Variants in FNDC7 observed in about 807,000 individuals in gnomAD.
FNDC7 encodes fibronectin type III domain containing 7.
Under a neutral mutation model 74.2 loss-of-function variants are expected in FNDC7, and 66 were observed. That is an observed-to-expected ratio of 0.89 (90% CI 0.73 to 1.09). The LOEUF (loss-of-function observed/expected upper bound fraction) is 1.09. FNDC7 is among the 50% of genes least tolerant of loss of function. The pLI is 0.00. For synonymous variants in FNDC7, 307 were observed against 330.2 expected, an observed-to-expected ratio of 0.93 and a Z score of 0.76; for missense variants, 829 against 893.4, an observed-to-expected ratio of 0.93 and a Z score of 0.92.
rs111615870 is a variant in FNDC7 at position 108,728,879 on chromosome 1, G to T, written c.1617G>T (p.Leu539=). The T allele has an allele frequency of 2.7e-5, 43 of 1,613,808 alleles. No individual in the cohort carries two copies. The African/African-American group carries it at 3.1e-4, about 12-fold the overall frequency. The change falls in exon 8 of 13, where the codon CTG becomes CTT. Residue 539 remains leucine (L), a synonymous_variant. Transcript: ENST00000370017. ...GRSLPSYSVP[L]ETVPCCPTGL... is the part of the protein sequence containing the mutation. ...GCCTGCCCAGCTACAGTGTGCCCCT[G>T]GAAACAGGTATGTAGCAACCACCAG...
At chr1:108,728,955 C>A (rs924130148) in intron 8 of FNDC7, 69 bp downstream of exon 8, 20 of 1,560,450 alleles carry the variant, frequency 1.3e-5, no homozygotes, top group Non-Finnish European at 1.7e-5. Flanking sequence ...AAGACATGAA[C>A]TTCCTTATTT....
rs117058968 is a variant in FNDC7 at position 108,726,265 on chromosome 1, G to A, written c.1111+261G>A. Among the ~76,000 whole-genome samples, 51 of 152,318 alleles carry A rather than the reference G, an allele frequency of 3.3e-4. No homozygotes were observed. In the East Asian group the frequency reaches 8.5e-3, roughly 25 times the overall value. On this transcript the variant is annotated intron_variant, in intron 6 of 12. Transcript: ENST00000370017. ...AACCTTGCTCTGAAAGATTGAACTC[G>A]CCACAAAGATGTACTCAGTGAGTGT...
rs1661662393 is a variant in FNDC7, at chr1:108,742,074, G to A, written c.*187G>A. On this transcript the variant is annotated 3_prime_UTR_variant, in exon 13 of 13. Transcript: ENST00000370017. ...GGCAAGGTCAGGTGTGTCCTCACCT[G>A]CACAGCAGTTGGAGATCTGCTATGT... 4.1e-6 allele frequency: 2 copies of A among 490,116 alleles called. No individual in the cohort carries two copies. Among genetic ancestry groups the A allele is most frequent in the African/African-American group, 2.0e-5 (1 of 50,626 alleles). The allele number at this position is 490,116 out of a possible 1,614,324, so 30.4% of individuals were successfully genotyped here.
chr1:108,733,408 G>A lies in FNDC7; in HGVS notation c.2016G>A (p.Pro672=), dbSNP rs766011711. ...YGSKGIFTCT[P]SAGLSFCDVT... is the part of the protein sequence containing the mutation. ...CCAAAGGCATTTTCACGTGCACCCCGAGTGCTGGCCTCAGTTTCTGTGATG... is the reference window on the plus strand; with the variant it reads ...CCAAAGGCATTTTCACGTGCACCCCAAGTGCTGGCCTCAGTTTCTGTGATG... The change falls in exon 10 of 13, where the codon CCG becomes CCA. Residue 672 remains proline (P), a synonymous_variant. Transcript: ENST00000370017. The A allele has an allele frequency of 2.6e-5, 42 of 1,613,946 alleles. No homozygotes were observed. Among genetic ancestry groups the A allele is most frequent in the Admixed American group, 1.2e-4 (7 of 59,984 alleles).
At chr1:108,732,466 T>C (rs1570733981) in intron 9 of FNDC7, among the ~76,000 whole-genome samples, 1 of 152,088 alleles carries the variant, frequency 6.6e-6, no homozygotes, top group Non-Finnish European at 1.5e-5. Context: ...CTCGGCAAAA[T>C]TGGTTCTTCA....
chr1:108,725,867 G>A lies in FNDC7; in HGVS notation c.974G>A (p.Gly325Asp). Reference protein sequence around the residue: ...YYVVFVKSDDGLEVHCNTSLT... With the variant: ...YYVVFVKSDDDLEVHCNTSLT... The stretch of plus-strand genomic sequence containing the variant: ...GTGGTCTTTGTGAAGAGTGATGATG[G>A]CTTGGAAGTACACTGCAACACATCT... The change falls in exon 6 of 13, where the codon GGC becomes GAC. Residue 325 changes from glycine (G) to aspartate (D), a missense_variant. Physicochemically the swap from Gly to Asp is moderately conservative, Grantham distance 94. Transcript: ENST00000370017. The A allele has an allele frequency of 6.2e-7, 1 of 1,614,050 alleles. No individual in the cohort carries two copies. The highest frequency in any genetic ancestry group is 8.5e-7 in the Non-Finnish European group (1 of 1,180,016).
chr1:108,718,103 A>G (rs1661020200), intron 3 of FNDC7, 72 bp downstream of exon 3: 3 of 1,519,194 alleles, frequency 2.0e-6, no homozygotes, highest in African/African-American at 2.8e-5. Context: ...GGTGCTGCAA[A>G]TGCAGAATGT....
Position 108,732,412 on chromosome 1 carries a change from G to C in FNDC7, c.1880-860G>C, listed in dbSNP as rs147122441. 7.1e-4 allele frequency among the ~76,000 whole-genome samples: 108 copies of C among 151,858 alleles called. 2 individuals are homozygous for C. The East Asian group carries it at 0.02, about 28-fold the overall frequency. ...CGTGGACCAGCAAACTTGGTCACTG[G>C]CATGTTGTATAAATGGCTGCACCTA... is the stretch of plus-strand genomic sequence containing the variant. On this transcript the variant is annotated intron_variant, in intron 9 of 12. Coordinates refer to ENST00000370017, the MANE Select transcript of FNDC7 (RefSeq NM_001144937.3).
intron 11 of FNDC7, among the ~76,000 whole-genome samples, chr1:108,739,372 C>T (rs573631694): frequency 6.6e-6 from 1 of 152,210 alleles, no homozygotes; most frequent in South Asian, 2.1e-4. Context: ...TGGCATGTGC[C>T]TGTAGTTCCC....
intron 2 of FNDC7, among the ~76,000 whole-genome samples, chr1:108,714,646 C>G (rs1660937303): frequency 7.3e-6 from 1 of 137,684 alleles, no homozygotes; most frequent in Non-Finnish European, 1.5e-5. Flanking sequence ...TCTCTGTCGC[C>G]CAGGCTGGAG....
Position 108,722,363 on chromosome 1 carries a change from C to T in FNDC7, c.627C>T (p.Val209=), listed in dbSNP as rs1435555424. 11 of 1,612,708 alleles carry T rather than the reference C, an allele frequency of 6.8e-6. No individual in the cohort carries two copies. The highest frequency in any genetic ancestry group is 9.3e-6 in the Non-Finnish European group (11 of 1,179,366). ...TSPRAPANIQ[V]SFDSGALKAS... ...CTCGGGCCCCTGCCAACATTCAAGT[C>T]TCTTTCGATAGTGGAGCTCTGAAGG... The change falls in exon 5 of 13, where the codon GTC becomes GTT. Residue 209 remains valine, a synonymous_variant. Coordinates refer to ENST00000370017, the MANE Select transcript of FNDC7 (RefSeq NM_001144937.3).
chr1:108,716,325 GTGT>G (rs1557786128), intron 2 of FNDC7, among the ~76,000 whole-genome samples: 28 of 58,496 alleles, frequency 4.8e-4, no homozygotes, highest in African/African-American at 1.6e-3. Context: ...AGAGAGGTGT[GTGT>G]GTGTGTGTGT....
In FNDC7 at chr1:108,730,743, T is replaced by C. The variant is rs1661324911; in HGVS notation, c.1694T>C (p.Ile565Thr). The change falls in exon 9 of 13, where the codon ATT (isoleucine) becomes ACT (threonine). Residue 565 changes from isoleucine (I) to threonine (T), a missense_variant. Ile to Thr is a moderately conservative substitution (Grantham distance 89). Coordinates refer to ENST00000370017, the MANE Select transcript of FNDC7 (RefSeq NM_001144937.3). ...TCAGTAATCAACGTGAGCTGGACTA[T>C]TGGGAGAGTGGCTCAAACCCATGTT... is the stretch of plus-strand genomic sequence containing the variant. ...TQSVINVSWTIGRVAQTHVAV... is the reference protein window; with the variant it reads ...TQSVINVSWTTGRVAQTHVAV... 1.2e-6 allele frequency: 2 copies of C among 1,613,644 alleles called. No individual in the cohort carries two copies. Among genetic ancestry groups the C allele is most frequent in the Non-Finnish European group, 1.7e-6 (2 of 1,179,780 alleles).
At chr1:108,717,726 G>A in intron 2 of FNDC7, 51 bp from the exon 3 acceptor site, 1 of 1,524,740 alleles carries the variant, frequency 6.6e-7, no homozygotes, top group South Asian at 1.2e-5. Context: ...GATGAAAGAA[G>A]TCATCCTCGT....
In FNDC7 at chr1:108,733,289, G is replaced by T. The variant is rs752720650; in HGVS notation, c.1897G>T (p.Gly633Trp). 6.2e-6 allele frequency: 10 copies of T among 1,610,056 alleles called. No homozygotes were observed. The South Asian group carries it at 9.9e-5, about 16-fold the overall frequency. Residue 633 changes from glycine to tryptophan, a missense_variant, in exon 10 of 13, where the codon GGG becomes TGG. Coordinates refer to ENST00000370017, the MANE Select transcript of FNDC7 (RefSeq NM_001144937.3). Reference protein sequence around the residue: ...SYFSGACCPLGVKLYRLGPNG... With the variant: ...SYFSGACCPLWVKLYRLGPNG... ...TTGCCTAGGTGCCTGCTGCCCTTTG[G>T]GGGTGAAATTATATAGGCTGGGCCC... is the stretch of plus-strand genomic sequence containing the variant.
chr1:108,727,407 T>C (rs1313679681), intron 6 of FNDC7, among the ~76,000 whole-genome samples: 2 of 152,174 alleles, frequency 1.3e-5, no homozygotes, highest in East Asian at 3.9e-4. Flanking sequence ...TTTGGTTTAC[T>C]GTCTGGAAAG....
At chr1:108,736,901 C>T (rs185048142) in intron 10 of FNDC7, among the ~76,000 whole-genome samples, 241 of 150,792 alleles carry the variant, frequency 1.6e-3, no homozygotes, top group African/African-American at 5.6e-3. Flanking sequence ...GTGCCAGGCA[C>T]TGTTCTAAGG....
chr1:108,729,557 A>G (rs564517186), intron 8 of FNDC7, among the ~76,000 whole-genome samples: 2 of 152,322 alleles, frequency 1.3e-5, no homozygotes, highest in Non-Finnish European at 2.9e-5. Context: ...ACAAAAAAAA[A>G]AAAAAATGCT....
chr1:108,728,196 G>A (rs1358315808), intron 7 of FNDC7, 131 bp downstream of exon 7: 1 of 1,167,450 alleles, frequency 8.6e-7, no homozygotes, highest in African/African-American at 1.5e-5. Context: ...GAGACCAAGA[G>A]AGCCCCCGTT....
Sources: allele counts gnomAD v4.1 joint callset (sites outside exome capture counted in the v4.1 genomes callset), GRCh38; gene constraint gnomAD v4.1.1; transcripts MANE v1.5; gene names NCBI Gene and HGNC (gene_info 2026-07-23, HGNC 2026-07-21).